The following TRDN variants were observed in gnomAD, a reference collection of about 807,000 sequenced individuals.
TRDN encodes triadin.
A neutral mutation model predicts 149.7 loss-of-function variants in TRDN; 161 were observed. The ratio of observed to expected loss-of-function variants is 1.08; its 90% CI spans 0.95 to 1.23. The LOEUF (loss-of-function observed/expected upper bound fraction) is 1.23. Among genes scored for constraint, TRDN ranks in the 50% most tolerant of loss-of-function variants. The probability of loss-of-function intolerance (pLI) is 0.00; values close to 1 mark genes in which losing one functional copy is unlikely to be tolerated. For missense variants in TRDN, 896 were observed against 823.5 expected (o/e 1.09, Z -1.08); for synonymous variants, 294 against 250.5 (o/e 1.17, Z -1.64).
intron 5 of TRDN, among the ~76,000 whole-genome samples, chr6:123,526,067 C>T (rs1011016834): frequency 4.6e-5 from 7 of 151,990 alleles, no homozygotes; most frequent in African/African-American, 1.7e-4. Context: ...AAAACTAGTA[C>T]ACCTATGACA....
chr6:123,596,670 C>T (rs1379034864), intron 1 of TRDN, among the ~76,000 whole-genome samples: 1 of 152,044 alleles, frequency 6.6e-6, no homozygotes, highest in Non-Finnish European at 1.5e-5. Flanking sequence ...TTCTGACAAA[C>T]CCAAGGCTCT....
At chr6:123,588,002 C>T (rs1462666322) in intron 1 of TRDN, among the ~76,000 whole-genome samples, 1 of 152,106 alleles carries the variant, frequency 6.6e-6, no homozygotes, top group Non-Finnish European at 1.5e-5. Context: ...GCTCAGAGGC[C>T]TGACAATGGA....
intron 24 of TRDN, among the ~76,000 whole-genome samples, chr6:123,288,915 G>T (rs1274203388): frequency 6.6e-6 from 1 of 151,660 alleles, no homozygotes; most frequent in Non-Finnish European, 1.5e-5. Flanking sequence ...AAATCAGGAT[G>T]TCAGAGAGAT....
chr6:123,564,313 C>T (rs1002227809), intron 2 of TRDN, among the ~76,000 whole-genome samples: 1 of 152,158 alleles, frequency 6.6e-6, no homozygotes, highest in African/African-American at 2.4e-5. Context: ...TCCTTGAAAA[C>T]TCAGTACACA....
At chr6:123,589,762 A>G (rs748011864) in intron 1 of TRDN, among the ~76,000 whole-genome samples, 6 of 152,210 alleles carry the variant, frequency 3.9e-5, no homozygotes, top group Non-Finnish European at 5.9e-5. Context: ...TGTATTCACT[A>G]GTAATGATAA....
At chr6:123,383,215 A>T (rs1167069616) in intron 14 of TRDN, among the ~76,000 whole-genome samples, 1 of 152,046 alleles carries the variant, frequency 6.6e-6, no homozygotes, top group Non-Finnish European at 1.5e-5. Context: ...CAATGGACTC[A>T]TTGTCTCTTC....
At chr6:123,317,640 T>C (rs1779075605) in intron 23 of TRDN, among the ~76,000 whole-genome samples, 2 of 151,968 alleles carry the variant, frequency 1.3e-5, no homozygotes, top group African/African-American at 4.8e-5. Context: ...CACCCTATTT[T>C]AATGTTTTCT....
intron 10 of TRDN, chr6:123,462,929 G>A (rs1446639580): frequency 6.6e-6 from 1 of 152,178 alleles, no homozygotes; most frequent in Non-Finnish European, 1.5e-5. Flanking sequence ...GCTGCTCAGG[G>A]TTAGCAGCCT....
chr6:123,272,432 CT>C (rs1158947432), intron 29 of TRDN, among the ~76,000 whole-genome samples: 3 of 151,260 alleles, frequency 2.0e-5, no homozygotes, highest in African/African-American at 2.4e-5. Context: ...AATTATGTAT[CT>C]TTTTTTTACA....
chr6:123,362,684 T>C (rs764714941), intron 20 of TRDN, among the ~76,000 whole-genome samples: 63 of 152,300 alleles, frequency 4.1e-4, no homozygotes, highest in Non-Finnish European at 7.2e-4. Flanking sequence ...ACTTTACCTG[T>C]ATTTATATCT....
chr6:123,307,970 C>A (rs904625638), intron 24 of TRDN, among the ~76,000 whole-genome samples: 8 of 151,972 alleles, frequency 5.3e-5, no homozygotes, highest in African/African-American at 7.2e-5. Context: ...AGGTAGTGAG[C>A]ATATCACCCA....
intron 1 of TRDN, among the ~76,000 whole-genome samples, chr6:123,621,454 T>C (rs542294951): frequency 2.6e-5 from 4 of 152,166 alleles, no homozygotes; most frequent in South Asian, 2.1e-4. Flanking sequence ...TAAACATACA[T>C]TGATAATAGA....
intron 38 of TRDN, among the ~76,000 whole-genome samples, chr6:123,232,286 G>T (rs931342520): frequency 5.9e-5 from 9 of 152,146 alleles, no homozygotes; most frequent in East Asian, 1.9e-4. Context: ...AATGTGGAAG[G>T]CATTAGAGAG....
At chr6:123,280,537 A>G (rs1350766722) in intron 24 of TRDN, among the ~76,000 whole-genome samples, 2 of 151,982 alleles carry the variant, frequency 1.3e-5, no homozygotes, top group African/African-American at 4.8e-5. Context: ...CACCTTCATA[A>G]TTTTGAATCT....
At chr6:123,313,754 T>A (rs1438828619) in intron 24 of TRDN, among the ~76,000 whole-genome samples, 1 of 151,972 alleles carries the variant, frequency 6.6e-6, no homozygotes, top group Non-Finnish European at 1.5e-5. Flanking sequence ...CTGACAGGAT[T>A]CCCTATTCAA....
At chr6:123,293,531 A>C (rs1778083903) in intron 24 of TRDN, among the ~76,000 whole-genome samples, 1 of 152,120 alleles carries the variant, frequency 6.6e-6, no homozygotes, top group Non-Finnish European at 1.5e-5. Flanking sequence ...CACAACATAC[A>C]AGGGAAAAAT....
chr6:123,522,006 A>G (rs775850339), intron 5 of TRDN, among the ~76,000 whole-genome samples: 1 of 152,144 alleles, frequency 6.6e-6, no homozygotes, highest in Non-Finnish European at 1.5e-5. Flanking sequence ...AATGTGTATT[A>G]TCACCTAGTG....
At chr6:123,479,547 A>G (rs1777649455) in intron 9 of TRDN, among the ~76,000 whole-genome samples, 1 of 152,188 alleles carries the variant, frequency 6.6e-6, no homozygotes, top group Non-Finnish European at 1.5e-5. Flanking sequence ...TAGCGCCAGC[A>G]GAGTTCACTG....
intron 33 of TRDN, 143 bp downstream of exon 33, chr6:123,265,175 A>G (rs1776896678): frequency 3.5e-6 from 2 of 570,172 alleles, no homozygotes; most frequent in East Asian, 7.2e-5. Flanking sequence ...TTTGTCAACC[A>G]GACTCACTTA....
Sources: allele counts gnomAD v4.1 joint callset (sites outside exome capture counted in the v4.1 genomes callset), GRCh38; gene constraint gnomAD v4.1.1; transcripts MANE v1.5; gene names NCBI Gene and HGNC (gene_info 2026-07-23, HGNC 2026-07-21).